The following LARP4 variants were observed in gnomAD, a reference collection of about 807,000 sequenced individuals.
The protein encoded by LARP4 is la-related protein 4.
In LARP4, 29 loss-of-function variants were observed where a neutral mutation model predicts 92.9. The observed-to-expected ratio is 0.31, with a 90% confidence interval of 0.23 to 0.43. The LOEUF (loss-of-function observed/expected upper bound fraction) is 0.43, where lower values mean the gene tolerates loss of function less well. Ranked by LOEUF, LARP4 falls within the 20% of genes least tolerant of loss-of-function variation. LARP4 has a pLI of 1.00. For missense variants in LARP4, 732 were observed against 860.0 expected (o/e 0.85, Z 1.86); for synonymous variants, 279 against 284.1 (o/e 0.98, Z 0.18).
intron 1 of LARP4, among the ~76,000 whole-genome samples, chr12:50,427,346 G>A (rs1948954381): frequency 6.6e-6 from 1 of 152,032 alleles, no homozygotes; most frequent in Non-Finnish European, 1.5e-5. Context: ...AGGTAGGTTG[G>A]GGTAAAGCAG....
In LARP4 at chr12:50,475,821, G is replaced by C. The variant is rs576259847; in HGVS notation, c.2132G>C (p.Arg711Pro). 28 of 1,613,932 alleles carry C rather than the reference G, an allele frequency of 1.7e-5. No individual in the cohort carries two copies. The highest frequency in any genetic ancestry group is 2.4e-5 in the Non-Finnish European group (28 of 1,180,044). The change falls in exon 16 of 16, where the codon CGT becomes CCT. Residue 711 changes from arginine (R) to proline (P), a missense_variant. Arg to Pro is a moderately radical substitution (Grantham distance 103). This residue lies in a region of LARP4 where 115 missense variants were observed against 129.1 expected (regional missense o/e 0.89). Transcript: ENST00000398473. ...GCTATACCTCAGGGAGTGACTCGAC[G>C]TAATGGCAAAGAGCAATATGTGCCA... Reference protein sequence around the residue: ...HRAIPQGVTRRNGKEQYVPPR... With the variant: ...HRAIPQGVTRPNGKEQYVPPR...
rs1190409412 is a variant in LARP4, at chr12:50,476,937, C to T, written c.*1073C>T. ...TCCCAAGATGGTAGGGCAGACTGAC[C>T]GTACAGTAATTTATTTGTCGTTAGT... On this transcript the variant is annotated 3_prime_UTR_variant, in exon 16 of 16. Coordinates refer to ENST00000398473, the MANE Select transcript of LARP4 (RefSeq NM_052879.5). The T allele has an allele frequency of 2.0e-5, 3 of 152,210 alleles. No individual in the cohort carries two copies. The highest frequency in any genetic ancestry group is 3.9e-4 in the East Asian group (2 of 5,194). 9.4% of individuals were successfully genotyped at this position (152,210 alleles called of 1,614,324 possible).
intron 10 of LARP4, among the ~76,000 whole-genome samples, chr12:50,456,701 C>A (rs1954316562): frequency 6.6e-6 from 1 of 152,030 alleles, no homozygotes; most frequent in Non-Finnish European, 1.5e-5. Flanking sequence ...TCACTTCTTT[C>A]TTTCTTCATT....
At chr12:50,406,820 G>A (rs796331951) in intron 1 of LARP4, among the ~76,000 whole-genome samples, 3 of 151,548 alleles carry the variant, frequency 2.0e-5, no homozygotes, top group African/African-American at 7.3e-5. Flanking sequence ...GGGTTCAAGT[G>A]ATTCTCTCAC....
rs753396343 is a variant in LARP4 at position 50,478,869 on chromosome 12, A to G, written c.*3005A>G. On this transcript the variant is annotated 3_prime_UTR_variant, in exon 16 of 16. Transcript: ENST00000398473. ...TTTTCAGCTGGGTTTTGAGGAATATAAGAGCTTTCAATGATAAAGGTTTGT... is the reference window on the plus strand; with the variant it reads ...TTTTCAGCTGGGTTTTGAGGAATATGAGAGCTTTCAATGATAAAGGTTTGT... 1 of 152,202 alleles carries G rather than the reference A, an allele frequency of 6.6e-6. No homozygotes were observed. The highest frequency in any genetic ancestry group is 1.5e-5 in the Non-Finnish European group (1 of 68,014). 9.4% of individuals were successfully genotyped at this position (152,202 alleles called of 1,614,324 possible).
At chr12:50,473,299 C>T (rs1316686951) in intron 13 of LARP4, 116 bp from the exon 14 acceptor site, 4 of 705,068 alleles carry the variant, frequency 5.7e-6, no homozygotes, top group Admixed American at 2.6e-5. Context: ...CGTGGTTTAG[C>T]TTTGCATTTT....
At chr12:50,429,141 C>T (rs1343153989) in intron 3 of LARP4, 51 bp downstream of exon 3, 4 of 1,345,860 alleles carry the variant, frequency 3.0e-6, no homozygotes, top group Non-Finnish European at 2.1e-6. Context: ...CAGGACACCC[C>T]CCACCCATGG....
chr12:50,405,526 C>T (rs747936612), intron 1 of LARP4, among the ~76,000 whole-genome samples: 4 of 151,704 alleles, frequency 2.6e-5, no homozygotes, highest in Non-Finnish European at 2.9e-5. Context: ...CTCAAGTGAT[C>T]CTCCCACCTC....
intron 1 of LARP4, among the ~76,000 whole-genome samples, chr12:50,412,145 A>T (rs1946018774): frequency 6.6e-6 from 1 of 152,216 alleles, no homozygotes; most frequent in African/African-American, 2.4e-5. Flanking sequence ...ATGTTCCATA[A>T]ATGTAATTAC....
intron 8 of LARP4, among the ~76,000 whole-genome samples, chr12:50,448,303 A>G (rs907651187): frequency 1.3e-5 from 2 of 152,166 alleles, no homozygotes; most frequent in African/African-American, 4.8e-5. Context: ...AAATACATTC[A>G]CAATGATTTG....
chr12:50,418,412 T>C (rs1031405005), intron 1 of LARP4, among the ~76,000 whole-genome samples: 1 of 152,238 alleles, frequency 6.6e-6, no homozygotes, highest in Non-Finnish European at 1.5e-5. Flanking sequence ...GAATTACTCT[T>C]TAATTTAGCT....
chr12:50,460,366 T>C (rs564919527), intron 10 of LARP4, among the ~76,000 whole-genome samples: 15 of 152,284 alleles, frequency 9.9e-5, no homozygotes, highest in Non-Finnish European at 2.1e-4. Flanking sequence ...TTTTCTCTGA[T>C]GCCTGTGCAT....
chr12:50,462,562 C>G lies in LARP4; in HGVS notation c.1335-20C>G. 1 of 1,454,608 alleles carries G rather than the reference C, an allele frequency of 6.9e-7. No individual in the cohort carries two copies. The highest frequency in any genetic ancestry group is 1.4e-5 in the African/African-American group (1 of 70,458). The allele number at this position is 1,454,608 out of a possible 1,614,324, so 90.1% of individuals were successfully genotyped here. A position where few individuals can be genotyped will look rare whatever the true frequency, so the allele number is the denominator to read the frequency against. On this transcript the variant is annotated intron_variant, in intron 11 of 15. Transcript: ENST00000398473. ...TTGTCCCTCCACCCCACCCCACCCC[C>G]ACCTTTTTCTTATTAAAAGGAGAAC... is the stretch of plus-strand genomic sequence containing the variant.
At chr12:50,435,763 T>G in intron 5 of LARP4, 139 bp downstream of exon 5, 1 of 654,522 alleles carries the variant, frequency 1.5e-6, no homozygotes, top group Non-Finnish European at 2.5e-6. Context: ...ATTCTCTCTC[T>G]TTGTTTTTTT....
chr12:50,452,078 G>A (rs888269811), intron 8 of LARP4, among the ~76,000 whole-genome samples: 6 of 152,140 alleles, frequency 3.9e-5, no homozygotes, highest in Non-Finnish European at 8.8e-5. Context: ...CGATTCATTT[G>A]CTGTGGACAC....
chr12:50,464,877 A>G (rs1383927716), intron 12 of LARP4, among the ~76,000 whole-genome samples: 3 of 150,068 alleles, frequency 2.0e-5, no homozygotes, highest in African/African-American at 7.4e-5. Context: ...TATAGTAGAG[A>G]CAGGGTTTCA....
At chr12:50,467,876 CAG>C (rs1444847603) in intron 13 of LARP4, among the ~76,000 whole-genome samples, 1 of 151,426 alleles carries the variant, frequency 6.6e-6, no homozygotes, top group Non-Finnish European at 1.5e-5. Context: ...TTAATTATAA[CAG>C]TACATGTCTA....
chr12:50,432,873 A>AG (rs1949873596), intron 4 of LARP4, among the ~76,000 whole-genome samples: 1 of 151,184 alleles, frequency 6.6e-6, no homozygotes, highest in African/African-American at 2.4e-5. Flanking sequence ...AAAAAAAAAA[A>AG]AAAAGAAAAG....
At position 50,426,721 on chromosome 12, in the gene LARP4, GTGTGTGTGTGGT is replaced by G. The variant is rs1343699120; in HGVS notation, c.19-1039_19-1028del. Reference sequence around the variant, plus strand: ...TGTGTGTGTGTGTGTGTGTGTGTGTGTGTGTGTGTGGTTTTTTTTTTTTTTTTTTTCTTTTTT... The same window carrying G: ...TGTGTGTGTGTGTGTGTGTGTGTGTGTTTTTTTTTTTTTTTTTTCTTTTTT... On this transcript the variant is annotated intron_variant, in intron 1 of 15. Coordinates refer to ENST00000398473, the MANE Select transcript of LARP4 (RefSeq NM_052879.5). Among the ~76,000 whole-genome samples, 142 of 131,298 alleles carry G rather than the reference GTGTGTGTGTGGT, an allele frequency of 1.1e-3. 1 individual carries two copies. Among genetic ancestry groups the G allele is most frequent in the African/African-American group, 4.0e-3 (124 of 31,384 alleles). 86.1% of individuals were successfully genotyped at this position (131,298 alleles called of 152,430 possible). A position where few individuals can be genotyped will look rare whatever the true frequency, so the allele number is the denominator to read the frequency against.
Sources: gnomAD v4.1 joint callset for allele counts (sites outside exome capture counted in the v4.1 genomes callset) on GRCh38, gnomAD v4.1.1 for gene constraint, gnomAD v4.1.1 regional missense constraint, MANE v1.5 for transcripts, NCBI Gene and HGNC (gene_info 2026-07-23, HGNC 2026-07-21) for gene names.